ZFYVE28: variants seen among roughly 807,000 people sequenced by gnomAD.
The protein encoded by ZFYVE28 is lateral signaling target protein 2 homolog.
Under a neutral mutation model 82.1 loss-of-function variants are expected in ZFYVE28, and 40 were observed. The ratio of observed to expected loss-of-function variants is 0.49; its 90% CI spans 0.38 to 0.63. The LOEUF (loss-of-function observed/expected upper bound fraction) is 0.63. Among genes scored for constraint, ZFYVE28 ranks in the 30% least tolerant of loss-of-function variants. ZFYVE28 has a pLI of 0.00. For synonymous variants in ZFYVE28, 612 were observed against 546.1 expected, an observed-to-expected ratio of 1.12 and a Z score of -1.68; for missense variants, 1,321 against 1,242.1, an observed-to-expected ratio of 1.06 and a Z score of -0.96.
chr4:2,290,754 T>A (rs1577921972), intron 8 of ZFYVE28, among the ~76,000 whole-genome samples: 1 of 152,230 alleles, frequency 6.6e-6, no homozygotes, highest in Admixed American at 6.5e-5. Context: ...GGTGCTCACC[T>A]GGCTCCTTGC....
chr4:2,346,912 A>G (rs1723686510), intron 2 of ZFYVE28, among the ~76,000 whole-genome samples: 1 of 152,172 alleles, frequency 6.6e-6, no homozygotes, highest in African/African-American at 2.4e-5. Context: ...AAATAGCAAA[A>G]TGATACTTAA....
Position 2,331,796 on chromosome 4 carries a change from G to A in ZFYVE28, c.701+3909C>T, listed in dbSNP as rs533377798. On this transcript the variant is annotated intron_variant, in intron 6 of 12. Coordinates refer to ENST00000290974, the MANE Select transcript of ZFYVE28 (RefSeq NM_020972.3). Reference sequence around the variant, plus strand: ...ACCAGGCTGGGGACACCCTAAACAGGGGGAAGGGTGCCACCCAGCACTCCC... The same window carrying A: ...ACCAGGCTGGGGACACCCTAAACAGAGGGAAGGGTGCCACCCAGCACTCCC... Among the ~76,000 whole-genome samples the A allele has an allele frequency of 3.9e-5, 6 of 152,312 alleles. No homozygotes were observed. The East Asian group carries it at 7.7e-4, about 20-fold the overall frequency.
At chr4:2,327,923 T>G (rs1164063087) in intron 6 of ZFYVE28, among the ~76,000 whole-genome samples, 1 of 152,204 alleles carries the variant, frequency 6.6e-6, no homozygotes, top group African/African-American at 2.4e-5. Flanking sequence ...TTACCAAGGA[T>G]GTGGAGAAAA....
intron 1 of ZFYVE28, among the ~76,000 whole-genome samples, chr4:2,395,193 C>T (rs922957160): frequency 4.8e-5 from 6 of 126,242 alleles, no homozygotes; most frequent in Non-Finnish European, 7.0e-5. Context: ...TCCCCCATCT[C>T]GGTTCCTTCT....
intron 1 of ZFYVE28, among the ~76,000 whole-genome samples, chr4:2,360,406 C>CACAG (rs1020713701): frequency 1.3e-5 from 2 of 151,616 alleles, no homozygotes; most frequent in Non-Finnish European, 2.9e-5. Context: ...CACACACACA[C>CACAG]ACACACACAC....
intron 1 of ZFYVE28, among the ~76,000 whole-genome samples, chr4:2,368,918 A>T (rs1201764235): frequency 4.6e-5 from 7 of 152,340 alleles, no homozygotes; most frequent in African/African-American, 1.7e-4. Context: ...ACCATTCAAC[A>T]ATCATAGAGC....
intron 1 of ZFYVE28, among the ~76,000 whole-genome samples, chr4:2,375,928 C>T (rs1259703732): frequency 1.3e-5 from 2 of 151,288 alleles, no homozygotes; most frequent in African/African-American, 4.9e-5. Context: ...GGCTGGAGTG[C>T]AATGGCACAA....
At chr4:2,286,531 G>C (rs895541128) in intron 8 of ZFYVE28, 4 of 152,336 alleles carry the variant, frequency 2.6e-5, no homozygotes, top group African/African-American at 9.6e-5. Flanking sequence ...TTTCAGCCTG[G>C]GGAGACCCTG....
At chr4:2,316,736 A>C (rs1718268631) in intron 7 of ZFYVE28, among the ~76,000 whole-genome samples, 1 of 149,928 alleles carries the variant, frequency 6.7e-6, no homozygotes, top group Admixed American at 6.7e-5. Flanking sequence ...TCTGTAGCCC[A>C]GGCTGGAGTG....
chr4:2,350,854 C>T (rs1252540689), intron 2 of ZFYVE28, among the ~76,000 whole-genome samples: 8 of 152,260 alleles, frequency 5.3e-5, no homozygotes, highest in Non-Finnish European at 8.8e-5. Flanking sequence ...GAAGGGCACA[C>T]CCCAACTCCA....
chr4:2,329,220 T>C (rs1720321634), intron 6 of ZFYVE28: 2 of 604,294 alleles, frequency 3.3e-6, no homozygotes. Context: ...GTATTGCCAT[T>C]CTAACTATAT....
chr4:2,314,798 T>A (rs63203960), intron 7 of ZFYVE28, among the ~76,000 whole-genome samples: 1 of 152,192 alleles, frequency 6.6e-6, no homozygotes, highest in African/African-American at 2.4e-5. Flanking sequence ...TTACTTTTTT[T>A]AAGACAGGGC....
At chr4:2,380,937 C>A (rs1472421662) in intron 1 of ZFYVE28, among the ~76,000 whole-genome samples, 1 of 151,986 alleles carries the variant, frequency 6.6e-6, no homozygotes, top group African/African-American at 2.4e-5. Flanking sequence ...TAAATTGGTA[C>A]CAGTACAGTG....
chr4:2,382,231 A>G (rs1011997124), intron 1 of ZFYVE28, among the ~76,000 whole-genome samples: 20 of 152,234 alleles, frequency 1.3e-4, no homozygotes, highest in African/African-American at 4.8e-4. Context: ...GAGCCCCCAC[A>G]CAGAGTCCCT....
At chr4:2,365,038 T>G (rs1578264302) in intron 1 of ZFYVE28, among the ~76,000 whole-genome samples, 3 of 131,098 alleles carry the variant, frequency 2.3e-5, no homozygotes, top group African/African-American at 5.9e-5. Flanking sequence ...GGGAGGGAGG[T>G]GGAGGGGGGC....
intron 2 of ZFYVE28, among the ~76,000 whole-genome samples, chr4:2,350,274 C>T (rs373611939): frequency 2.0e-5 from 3 of 151,924 alleles, no homozygotes. Flanking sequence ...ACCATCCTGG[C>T]TAACATGGTG....
At chr4:2,298,777 C>T (rs17132415) in intron 8 of ZFYVE28, among the ~76,000 whole-genome samples, 2,695 of 152,302 alleles carry the variant, frequency 0.018, 66 homozygotes, top group African/African-American at 0.052. Flanking sequence ...CCTAAGCCAG[C>T]GCCCGGGCAG....
At position 2,399,660 on chromosome 4, in the gene ZFYVE28, G is replaced by A. The variant is rs536324427; in HGVS notation, c.39+18625C>T. Among the ~76,000 whole-genome samples the A allele has an allele frequency of 8.5e-5, 13 of 152,322 alleles. No individual in the cohort carries two copies. In the South Asian group the frequency reaches 2.3e-3, roughly 27 times the overall value. ...AGGGAGGGGATCACTGCCTCCTTCC[G>A]TTGCACCAGGTGGCCTACAGAGAAG... On this transcript the variant is annotated intron_variant, in intron 1 of 12. Transcript: ENST00000290974.
intron 2 of ZFYVE28, among the ~76,000 whole-genome samples, chr4:2,351,986 G>C (rs920603262): frequency 6.6e-6 from 1 of 152,216 alleles, no homozygotes; most frequent in African/African-American, 2.4e-5. Context: ...CAGGGGACAG[G>C]TTCCAGGACC....
Sources: gnomAD v4.1 joint callset for allele counts (sites outside exome capture counted in the v4.1 genomes callset) on GRCh38, gnomAD v4.1.1 for gene constraint, MANE v1.5 for transcripts, NCBI Gene and HGNC (gene_info 2026-07-23, HGNC 2026-07-21) for gene names.